LRRK1: variants seen among roughly 807,000 people sequenced by gnomAD.
LRRK1 encodes leucine-rich repeat serine/threonine-protein kinase 1.
In LRRK1, 113 loss-of-function variants were observed where a neutral mutation model predicts 209.1. The ratio of observed to expected loss-of-function variants is 0.54; its 90% CI spans 0.46 to 0.63. The LOEUF (loss-of-function observed/expected upper bound fraction) is 0.63. Ranked by LOEUF, LRRK1 falls within the 30% of genes least tolerant of loss-of-function variation. LRRK1 has a pLI of 0.00. For missense variants in LRRK1, 2,284 were observed against 2,632.2 expected (o/e 0.87, Z 2.89); for synonymous variants, 1,144 against 1,099.7 (o/e 1.04, Z -0.80).
chr15:101,077,577 A>T lies in LRRK1; in HGVS notation c.*8729A>T, dbSNP rs1338427290. Reference sequence around the variant, plus strand: ...CGTTTAGTTTTTCAATTCATACAAAACCGTATCCAGGTCATCACCAATAAT... The same window carrying T: ...CGTTTAGTTTTTCAATTCATACAAATCCGTATCCAGGTCATCACCAATAAT... On this transcript the variant is annotated 3_prime_UTR_variant, in exon 34 of 34. Transcript: ENST00000388948. The T allele has an allele frequency of 6.6e-6, 1 of 152,040 alleles. No individual in the cohort carries two copies. Among genetic ancestry groups the T allele is most frequent in the African/African-American group, 2.4e-5 (1 of 41,376 alleles). 9.4% of individuals were successfully genotyped at this position (152,040 alleles called of 1,614,324 possible). A position where few individuals can be genotyped will look rare whatever the true frequency, so the allele number is the denominator to read the frequency against.
intron 6 of LRRK1, among the ~76,000 whole-genome samples, chr15:100,996,585 C>A (rs181516632): frequency 1.4e-4 from 22 of 152,354 alleles, no homozygotes; most frequent in African/African-American, 5.3e-4. Flanking sequence ...CTGAAGCTTT[C>A]CCTGTCCTCT....
In LRRK1 at chr15:101,078,072, C is replaced by T. The variant is rs370707550; in HGVS notation, c.*9224C>T. The T allele has an allele frequency of 6.5e-4, 100 of 154,026 alleles. 1 individual carries two copies. Among genetic ancestry groups the T allele is most frequent in the Non-Finnish European group, 1.7e-4 (12 of 69,666 alleles). 9.5% of individuals were successfully genotyped at this position (154,026 alleles called of 1,614,324 possible). ...TGGCTCATCCTGGCTCAAAAAGCAC[C>T]CCCACTGAGCACCTTGCCGCCCCCA... On this transcript the variant is annotated 3_prime_UTR_variant, in exon 34 of 34. Transcript: ENST00000388948.
intron 10 of LRRK1, among the ~76,000 whole-genome samples, chr15:101,013,087 G>C (rs1332109763): frequency 1.3e-5 from 2 of 152,106 alleles, no homozygotes; most frequent in African/African-American, 4.8e-5. Flanking sequence ...GCCTTGTCCA[G>C]AGCTTCACTG....
At chr15:101,020,925 A>G (rs2033753396) in intron 12 of LRRK1, 128 bp from the exon 13 acceptor site, 1 of 960,302 alleles carries the variant, frequency 1.0e-6, no homozygotes, top group Admixed American at 1.9e-5. Flanking sequence ...TGAGGTGAGC[A>G]TTTTGTTCTG....
rs1157364278 is a variant in LRRK1 at position 101,015,386 on chromosome 15, C to T, written c.1593C>T (p.Arg531=). 2 of 1,613,482 alleles carry T rather than the reference C, an allele frequency of 1.2e-6. No individual in the cohort carries two copies. Among genetic ancestry groups the T allele is most frequent in the African/African-American group, 1.3e-5 (1 of 75,016 alleles). ...IAFFTTRGRQ[R]SGTEAASVLE... ...TTTTCACCACCAGAGGTCGCCAGCG[C>T]TCCGGGACTGAGGCAGGTGTGTGTG... The change falls in exon 12 of 34, where the codon CGC becomes CGT. Residue 531 remains arginine (R), a synonymous_variant. Transcript: ENST00000388948.
At chr15:101,004,783 G>C (rs2032864613) in intron 6 of LRRK1, among the ~76,000 whole-genome samples, 1 of 152,228 alleles carries the variant, frequency 6.6e-6, no homozygotes, top group African/African-American at 2.4e-5. Context: ...CAGGGGATGT[G>C]GAGGAGGTGC....
intron 21 of LRRK1, among the ~76,000 whole-genome samples, chr15:101,046,869 T>C (rs1477585570): frequency 6.6e-6 from 1 of 152,208 alleles, no homozygotes; most frequent in East Asian, 1.9e-4. Context: ...TCAGACAACA[T>C]TAATTTCATG....
chr15:100,966,490 C>T (rs2141642997), intron 2 of LRRK1, among the ~76,000 whole-genome samples: 1 of 152,274 alleles, frequency 6.6e-6, no homozygotes, highest in South Asian at 2.1e-4. Context: ...GTCATGAAGT[C>T]CCCCATGGCC....
chr15:100,974,031 A>T, intron 3 of LRRK1, 64 bp downstream of exon 3: 1 of 1,205,680 alleles, frequency 8.3e-7, no homozygotes, highest in Non-Finnish European at 1.0e-6. Flanking sequence ...GGGACCGCTC[A>T]GATGATTTTC....
intron 17 of LRRK1, among the ~76,000 whole-genome samples, chr15:101,026,600 C>G (rs1228199030): frequency 6.6e-6 from 1 of 152,208 alleles, no homozygotes; most frequent in Non-Finnish European, 1.5e-5. Context: ...ACGACGTGTC[C>G]ATACAGATAA....
In LRRK1 at chr15:101,053,417, A is replaced by G. The variant is rs1304127213; in HGVS notation, c.4051A>G (p.Arg1351Gly). 9 of 1,587,304 alleles carry G rather than the reference A, an allele frequency of 5.7e-6. No homozygotes were observed. The highest frequency in any genetic ancestry group is 7.7e-6 in the Non-Finnish European group (9 of 1,172,930). ...SLNTVLSENA[R>G]DSSFIPLGHM... ...CAACACCGTGCTGTCCGAGAACGCC[A>G]GAGGTACCGCGGCGCGCCGCCCCAC... The change falls in exon 26 of 34, where the codon AGA becomes GGA. Residue 1351 changes from arginine to glycine, a missense_variant. By Grantham distance (125) the Arg-to-Gly change is moderately radical. Around this residue, in one of 6 missense-constraint regions of LRRK1, gnomAD observed 780 missense variants for 985.2 expected, o/e 0.79. Coordinates refer to ENST00000388948, the MANE Select transcript of LRRK1 (RefSeq NM_024652.6).
At chr15:101,013,044 A>G (rs994365293) in intron 10 of LRRK1, among the ~76,000 whole-genome samples, 5 of 152,160 alleles carry the variant, frequency 3.3e-5, no homozygotes, top group Admixed American at 2.6e-4. Flanking sequence ...GGCTTCCCCC[A>G]AAGCCCAGAA....
chr15:100,931,691 C>T (rs1189286802), intron 2 of LRRK1, among the ~76,000 whole-genome samples: 1 of 152,110 alleles, frequency 6.6e-6, no homozygotes, highest in Non-Finnish European at 1.5e-5. Flanking sequence ...TGCCCCCACC[C>T]CAGCTTCCAG....
chr15:100,922,440 A>ATT (rs35943191), intron 1 of LRRK1, among the ~76,000 whole-genome samples: 1 of 148,408 alleles, frequency 6.7e-6, no homozygotes, highest in Non-Finnish European at 1.5e-5. Flanking sequence ...TAATTTTAAG[A>ATT]TTTTTTTTTT....
intron 2 of LRRK1, among the ~76,000 whole-genome samples, chr15:100,962,948 T>A (rs1171551514): frequency 6.8e-6 from 1 of 147,038 alleles, no homozygotes; most frequent in Non-Finnish European, 1.5e-5. Context: ...CTCAGCCTCC[T>A]GAGTAACTGC....
chr15:100,963,337 C>T (rs1004711565), intron 2 of LRRK1, among the ~76,000 whole-genome samples: 1 of 152,232 alleles, frequency 6.6e-6, no homozygotes. Flanking sequence ...CGAGTAGCAG[C>T]GACTCTGTGG....
chr15:100,940,396 G>C (rs913598965), intron 2 of LRRK1, among the ~76,000 whole-genome samples: 1 of 151,972 alleles, frequency 6.6e-6, no homozygotes, highest in African/African-American at 2.4e-5. Context: ...ACTCTCATTA[G>C]ACACATTTTG....
intron 6 of LRRK1, among the ~76,000 whole-genome samples, chr15:101,006,372 T>TAAAAAAAAAAAAAAAAAAAAAAAAAAA (rs56053663): frequency 8.7e-6 from 1 of 114,452 alleles, no homozygotes; most frequent in African/African-American, 3.3e-5. Flanking sequence ...GACAATGTGA[T>TAAAAAAAAAAAAAAAAAAAAAAAAAAA]AAAAAAAAAA....
In LRRK1 at chr15:100,924,574, C is replaced by G; in HGVS notation, c.-59C>G. The G allele has an allele frequency of 6.9e-7, 1 of 1,451,052 alleles. No homozygotes were observed. The highest frequency in any genetic ancestry group is 9.7e-7 in the Non-Finnish European group (1 of 1,033,240). 89.9% of individuals were successfully genotyped at this position (1,451,052 alleles called of 1,614,324 possible). On this transcript the variant is annotated 5_prime_UTR_variant, in exon 2 of 34. Coordinates refer to ENST00000388948, the MANE Select transcript of LRRK1 (RefSeq NM_024652.6). ...ACGCCTTAATGCACCCCACAGCCAG[C>G]GGCAGTGGCAGTGACAACAGCGGGA...
Sources: gnomAD v4.1 joint callset for allele counts (sites outside exome capture counted in the v4.1 genomes callset) on GRCh38, gnomAD v4.1.1 for gene constraint, gnomAD v4.1.1 regional missense constraint, MANE v1.5 for transcripts, NCBI Gene and HGNC (gene_info 2026-07-23, HGNC 2026-07-21) for gene names.